The following SGK1 variants were observed in gnomAD, a reference collection of about 807,000 sequenced individuals.
SGK1 encodes serine/threonine-protein kinase Sgk1.
Under a neutral mutation model 64.2 loss-of-function variants are expected in SGK1, and 26 were observed. The ratio of observed to expected loss-of-function variants is 0.40; its 90% CI spans 0.30 to 0.56. SGK1 has a LOEUF of 0.56. Ranked by LOEUF, SGK1 falls within the 20% of genes least tolerant of loss-of-function variation. The pLI, the probability that SGK1 is intolerant of heterozygous loss-of-function variation, is 0.38. For missense variants in SGK1, 519 were observed against 645.6 expected (o/e 0.80, Z 2.12); for synonymous variants, 265 against 239.7 (o/e 1.11, Z -0.98).
At chr6:134,255,574 ATTTTT>A (rs11318242) in intron 2 of SGK1, among the ~76,000 whole-genome samples, 4 of 78,852 alleles carry the variant, frequency 5.1e-5, no homozygotes, top group African/African-American at 9.1e-5. Context: ...AGAGATTTTG[ATTTTT>A]TTTTTTTTTT....
chr6:134,229,919 C>T (rs58598912), intron 2 of SGK1, among the ~76,000 whole-genome samples: 15,446 of 152,072 alleles, frequency 0.1, 952 homozygotes, highest in African/African-American at 0.17. Flanking sequence ...GAATTTCTTT[C>T]TAAGCTTAAT....
chr6:134,174,905 C>T, intron 3 of SGK1: 1 of 1,573,988 alleles, frequency 6.4e-7, no homozygotes, highest in East Asian at 2.3e-5. Flanking sequence ...AAGGCACCGC[C>T]GCGGGGGCGG....
intron 5 of SGK1, 163 bp downstream of exon 5, chr6:134,173,842 C>T: frequency 1.6e-6 from 1 of 620,350 alleles, no homozygotes; most frequent in Non-Finnish European, 2.8e-6. Context: ...TAAAATAATA[C>T]TCTGACTCAA....
intron 2 of SGK1, among the ~76,000 whole-genome samples, chr6:134,255,836 C>T (rs527436175): frequency 3.3e-4 from 50 of 152,070 alleles, no homozygotes; most frequent in African/African-American, 1.1e-3. Flanking sequence ...CTGCCCTCCT[C>T]GACCTCCAAA....
At chr6:134,191,251 A>G (rs923194835) in intron 3 of SGK1, among the ~76,000 whole-genome samples, 8 of 152,182 alleles carry the variant, frequency 5.3e-5, no homozygotes, top group Non-Finnish European at 1.2e-4. Flanking sequence ...ATTTTATGCT[A>G]TTCATAAAAT....
intron 2 of SGK1, among the ~76,000 whole-genome samples, chr6:134,243,178 A>C (rs1776474035): frequency 6.6e-6 from 1 of 152,134 alleles, no homozygotes; most frequent in Non-Finnish European, 1.5e-5. Context: ...ATGATAATGA[A>C]TTAATAAGAA....
intron 1 of SGK1, among the ~76,000 whole-genome samples, chr6:134,314,208 C>G (rs1777644988): frequency 6.6e-6 from 1 of 152,196 alleles, no homozygotes; most frequent in Non-Finnish European, 1.5e-5. Flanking sequence ...GACTGTCTTT[C>G]TTCAGATTAT....
chr6:134,296,717 T>A (rs966379578), intron 1 of SGK1, among the ~76,000 whole-genome samples: 4 of 150,430 alleles, frequency 2.7e-5, no homozygotes, highest in African/African-American at 9.8e-5. Flanking sequence ...TTACTAAGAG[T>A]TGAAAAAGCA....
intron 3 of SGK1, chr6:134,177,960 G>GA: frequency 1.3e-6 from 1 of 799,064 alleles, no homozygotes; most frequent in Non-Finnish European, 1.9e-6. Context: ...ACATCACTCA[G>GA]AAAATTACAG....
At chr6:134,227,175 C>T (rs150874000) in intron 2 of SGK1, among the ~76,000 whole-genome samples, 59 of 152,210 alleles carry the variant, frequency 3.9e-4, no homozygotes, top group African/African-American at 1.4e-3. Flanking sequence ...CACTCTGTCA[C>T]CCAGGCTGGA....
chr6:134,246,631 A>G (rs1776529149), intron 2 of SGK1, among the ~76,000 whole-genome samples: 1 of 151,124 alleles, frequency 6.6e-6, no homozygotes, highest in African/African-American at 2.4e-5. Flanking sequence ...CTTGCTCTAT[A>G]CCCCAGGCTG....
Position 134,262,130 on chromosome 6 carries a change from T to C in SGK1, c.88A>G (p.Ser30Gly). ...FKKRVRRWIK[S>G]PMVSVDKHQS... ...TGCTTGTCCACACTGACCATTGGGC[T>C]CTTGATCCACCTTCGTACCTGCAAT... Residue 30 changes from serine (S) to glycine (G), a missense_variant, in exon 2 of 14, where the codon AGC becomes GGC. This residue lies in a region of SGK1 where 241 missense variants were observed against 236.9 expected (regional missense o/e 1.02). Coordinates refer to ENST00000367858, the MANE Select transcript of SGK1 (RefSeq NM_001143676.3). The C allele has an allele frequency of 6.3e-7, 1 of 1,587,850 alleles. No individual in the cohort carries two copies. Among genetic ancestry groups the C allele is most frequent in the Non-Finnish European group, 8.6e-7 (1 of 1,162,360 alleles).
intron 3 of SGK1, among the ~76,000 whole-genome samples, chr6:134,188,990 C>A (rs1286913443): frequency 1.3e-5 from 2 of 150,690 alleles, no homozygotes; most frequent in Non-Finnish European, 2.9e-5. Flanking sequence ...AAGTGATCCT[C>A]CCACCTTGGT....
rs540401467 is a variant in SGK1 at position 134,208,907 on chromosome 6, T to TATATAC, written c.286-1477_286-1476insGTATAT. 3.9e-3 allele frequency among the ~76,000 whole-genome samples: 590 copies of TATATAC among 150,658 alleles called. 8 individuals are homozygous for TATATAC. The highest frequency in any genetic ancestry group is 0.013 in the African/African-American group (514 of 40,980). On this transcript the variant is annotated intron_variant, in intron 2 of 13. Transcript: ENST00000367858. Reference sequence around the variant, plus strand: ...ACATGTATGTGTGTGTATATATATATACACACACACGTGTTTTTTTCGTAT... The same window carrying TATATAC: ...ACATGTATGTGTGTGTATATATATATATATACACACACACACGTGTTTTTTTCGTAT...
At chr6:134,246,549 C>T (rs926383673) in intron 2 of SGK1, among the ~76,000 whole-genome samples, 2 of 152,118 alleles carry the variant, frequency 1.3e-5, no homozygotes, top group South Asian at 4.1e-4. Flanking sequence ...TACATTCTCT[C>T]ACTTGAACCT....
At chr6:134,198,756 G>T in intron 3 of SGK1, among the ~76,000 whole-genome samples, 2 of 83,232 alleles carry the variant, frequency 2.4e-5, no homozygotes, top group African/African-American at 4.1e-5. Context: ...TGAAAACAGG[G>T]TCTTACTCCT....
intron 2 of SGK1, among the ~76,000 whole-genome samples, chr6:134,237,840 A>G (rs1396943046): frequency 1.3e-5 from 2 of 152,200 alleles, no homozygotes; most frequent in Non-Finnish European, 2.9e-5. Flanking sequence ...TCTCTCAAGC[A>G]ATAGTATACT....
chr6:134,183,902 T>A (rs1432009828), intron 3 of SGK1, among the ~76,000 whole-genome samples: 1 of 125,694 alleles, frequency 8.0e-6, no homozygotes, highest in Non-Finnish European at 1.6e-5. Context: ...GGAATTTGTG[T>A]GCTTAGTTAT....
intron 2 of SGK1, among the ~76,000 whole-genome samples, chr6:134,243,262 A>G (rs2114727177): frequency 6.6e-6 from 1 of 152,322 alleles, no homozygotes; most frequent in South Asian, 2.1e-4. Flanking sequence ...ATGGAAGTAT[A>G]TTAAACATAA....
Sources: allele counts gnomAD v4.1 joint callset (sites outside exome capture counted in the v4.1 genomes callset), GRCh38; gene constraint gnomAD v4.1.1; regional missense constraint gnomAD v4.1.1; transcripts MANE v1.5; gene names NCBI Gene and HGNC (gene_info 2026-07-23, HGNC 2026-07-21).